The following MGAT4C variants were observed in gnomAD, a reference collection of about 807,000 sequenced individuals.
MGAT4C encodes MGAT4 family member C, also known as alpha-1,3-mannosyl-glycoprotein 4-beta-N-acetylglucosaminyltransferase C.
MGAT4C carries 19 observed loss-of-function variants against 40.1 expected under a neutral mutation model. The observed-to-expected ratio is 0.47, with a 90% CI of 0.33 to 0.70. MGAT4C has a LOEUF of 0.70. Ranked by LOEUF, MGAT4C falls within the 30% of genes least tolerant of loss-of-function variation. The pLI is 0.02. For synonymous variants in MGAT4C, 181 were observed against 187.1 expected (o/e 0.97, Z 0.27); for missense variants, 491 against 563.2 (o/e 0.87, Z 1.30).
intron 4 of MGAT4C, among the ~76,000 whole-genome samples, chr12:86,301,735 CTAACA>C: frequency 6.6e-6 from 1 of 152,310 alleles, no homozygotes; most frequent in East Asian, 1.9e-4. Context: ...GAAACATACT[CTAACA>C]TATCATGCCA....
At chr12:86,070,086 T>TG (rs1194630417) in intron 1 of MGAT4C, among the ~76,000 whole-genome samples, 2 of 148,136 alleles carry the variant, frequency 1.4e-5, no homozygotes, top group African/African-American at 5.2e-5. Flanking sequence ...AACTTTGCAT[T>TG]GGATTTTTTT....
chr12:86,146,289 C>G (rs1749724233), intron 1 of MGAT4C, among the ~76,000 whole-genome samples: 2 of 152,046 alleles, frequency 1.3e-5, no homozygotes, highest in Admixed American at 1.3e-4. Context: ...GTAAAATTAA[C>G]ATTTTTGCAT....
chr12:86,758,674 T>C (rs1951348471), intron 1 of MGAT4C, among the ~76,000 whole-genome samples: 1 of 152,018 alleles, frequency 6.6e-6, no homozygotes, highest in Admixed American at 6.6e-5. Flanking sequence ...ATGAATATAG[T>C]GAGTCATGAA....
chr12:86,082,950 T>C (rs1207036871), intron 1 of MGAT4C, among the ~76,000 whole-genome samples: 2 of 152,100 alleles, frequency 1.3e-5, no homozygotes, highest in African/African-American at 4.8e-5. Flanking sequence ...CATATGTTCA[T>C]ATATCTATAA....
chr12:86,410,086 A>T (rs1037136468), intron 3 of MGAT4C, among the ~76,000 whole-genome samples: 1 of 152,156 alleles, frequency 6.6e-6, no homozygotes, highest in African/African-American at 2.4e-5. Flanking sequence ...CAAAGGGCAA[A>T]GCAAAGATCA....
At chr12:86,455,185 T>C (rs1032531485) in intron 2 of MGAT4C, among the ~76,000 whole-genome samples, 3 of 152,164 alleles carry the variant, frequency 2.0e-5, no homozygotes, top group African/African-American at 7.2e-5. Context: ...GAAATTAGTT[T>C]CTGTTCTATT....
intron 4 of MGAT4C, among the ~76,000 whole-genome samples, chr12:86,262,806 G>A (rs931925084): frequency 1.3e-5 from 2 of 151,978 alleles, no homozygotes; most frequent in African/African-American, 4.8e-5. Flanking sequence ...GTCAGAATTA[G>A]AGAAAAGATA....
chr12:86,728,829 C>T (rs190647365), intron 1 of MGAT4C, among the ~76,000 whole-genome samples: 3 of 152,302 alleles, frequency 2.0e-5, no homozygotes, highest in East Asian at 3.9e-4. Context: ...GATACCACTA[C>T]ATAATTATGA....
In MGAT4C at chr12:86,250,153, T is replaced by C. The variant is rs73398105; in HGVS notation, c.-57+6086A>G. Reference sequence around the variant, plus strand: ...GAATGAATAGATTTTTAGAAAATGTTTTACACATTCATTAATGCCTTGATT... The same window carrying C: ...GAATGAATAGATTTTTAGAAAATGTCTTACACATTCATTAATGCCTTGATT... On this transcript the variant is annotated intron_variant, in intron 1 of 4. Coordinates refer to ENST00000611864, the MANE Select transcript of MGAT4C (RefSeq NM_001351288.2). 3.3e-3 allele frequency among the ~76,000 whole-genome samples: 505 copies of C among 152,230 alleles called. 2 individuals carry two copies. Among genetic ancestry groups the C allele is most frequent in the African/African-American group, 0.012 (491 of 41,556 alleles).
chr12:85,994,917 T>C (rs1886436674), intron 2 of MGAT4C, among the ~76,000 whole-genome samples: 1 of 152,060 alleles, frequency 6.6e-6, no homozygotes, highest in Non-Finnish European at 1.5e-5. Context: ...ACTGAATAAA[T>C]ATAAATTAAT....
chr12:86,169,325 T>G (rs1260143779), intron 1 of MGAT4C, among the ~76,000 whole-genome samples: 1 of 152,154 alleles, frequency 6.6e-6, no homozygotes, highest in Non-Finnish European at 1.5e-5. Context: ...GAGTCTTACC[T>G]TTCTTCTTCT....
chr12:86,644,686 G>A (rs530307269), intron 2 of MGAT4C, among the ~76,000 whole-genome samples: 2 of 151,722 alleles, frequency 1.3e-5, no homozygotes, highest in Admixed American at 1.3e-4. Context: ...CTGACGAATA[G>A]ATCAACGAAT....
intron 1 of MGAT4C, among the ~76,000 whole-genome samples, chr12:86,116,456 T>C (rs1157999646): frequency 6.6e-6 from 1 of 151,872 alleles, no homozygotes; most frequent in Non-Finnish European, 1.5e-5. Flanking sequence ...ACAAGACATA[T>C]GTTAGATTAG....
Position 86,307,712 on chromosome 12 carries a change from AT to A in MGAT4C, c.-57+26352del, listed in dbSNP as rs926165196. Among the ~76,000 whole-genome samples the A allele has an allele frequency of 3.4e-3, 501 of 149,418 alleles. 33 individuals are homozygous for A. Among genetic ancestry groups the A allele is most frequent in the African/African-American group, 0.012 (480 of 39,450 alleles). On this transcript the variant is annotated intron_variant, in intron 4 of 7. Coordinates refer to the MGAT4C transcript ENST00000548651. ...TTTCTTTCTTTTATTTTATTTATTTATTTTTTTTGAGACGTTGTCTAGCTCT... is the reference window on the plus strand; with the variant it reads ...TTTCTTTCTTTTATTTTATTTATTTATTTTTTTGAGACGTTGTCTAGCTCT...
At chr12:86,774,349 C>CTTTCTTTCTTTCTTTCTTTCTG (rs1951709726) in intron 1 of MGAT4C, among the ~76,000 whole-genome samples, 3 of 17,424 alleles carry the variant, frequency 1.7e-4, no homozygotes, top group African/African-American at 4.6e-4. Context: ...CTGTCTCTCT[C>CTTTCTTTCTTTCTTTCTTTCTG]TCTCCCCTCT....
chr12:86,731,581 TA>T (rs1388854563), intron 1 of MGAT4C, among the ~76,000 whole-genome samples: 3 of 152,180 alleles, frequency 2.0e-5, no homozygotes, highest in Non-Finnish European at 2.9e-5. Context: ...ATTTGTTTTT[TA>T]GTTATGTTAT....
chr12:86,084,645 A>C (rs1394139199), intron 1 of MGAT4C, among the ~76,000 whole-genome samples: 2 of 151,906 alleles, frequency 1.3e-5, no homozygotes, highest in Non-Finnish European at 2.9e-5. Flanking sequence ...TGCTAGTTGC[A>C]AAGCTGTATT....
intron 2 of MGAT4C, among the ~76,000 whole-genome samples, chr12:86,541,464 T>C (rs1021548410): frequency 1.3e-5 from 2 of 152,148 alleles, no homozygotes; most frequent in African/African-American, 4.8e-5. Context: ...TCACCCAAAA[T>C]GGCATTGACT....
intron 2 of MGAT4C, among the ~76,000 whole-genome samples, chr12:86,725,146 G>T (rs1233771736): frequency 6.6e-6 from 1 of 152,100 alleles, no homozygotes; most frequent in Non-Finnish European, 1.5e-5. Flanking sequence ...CATTTTATTT[G>T]CTTTATTATA....
Sources: gnomAD v4.1 joint callset for allele counts (sites outside exome capture counted in the v4.1 genomes callset) on GRCh38, gnomAD v4.1.1 for gene constraint, MANE v1.5 for transcripts, NCBI Gene and HGNC (gene_info 2026-07-23, HGNC 2026-07-21) for gene names.